Variants in PHLPP1 observed in about 807,000 individuals in gnomAD.
The protein encoded by PHLPP1 is PH domain and leucine rich repeat protein phosphatase 1.
Under a neutral mutation model 117.2 loss-of-function variants are expected in PHLPP1, and 42 were observed. That is an observed-to-expected ratio of 0.36 (90% confidence interval 0.28 to 0.46). The LOEUF is 0.46. Among genes scored for constraint, PHLPP1 ranks in the 20% least tolerant of loss-of-function variants. The probability of loss-of-function intolerance (pLI) is 1.00; values close to 1 mark genes in which losing one functional copy is unlikely to be tolerated. For missense variants in PHLPP1, 2,084 were observed against 2,241.9 expected (o/e 0.93, Z 1.42); for synonymous variants, 1,042 against 970.7 (o/e 1.07, Z -1.37).
intron 4 of PHLPP1, among the ~76,000 whole-genome samples, chr18:62,888,682 A>G (rs549999863): frequency 6.6e-6 from 1 of 152,334 alleles, no homozygotes; most frequent in Non-Finnish European, 1.5e-5. Context: ...TGGCAGACAC[A>G]GTGGACCCTG....
chr18:62,873,790 G>A (rs1274317005), intron 4 of PHLPP1, among the ~76,000 whole-genome samples: 2 of 152,070 alleles, frequency 1.3e-5, no homozygotes, highest in African/African-American at 4.8e-5. Context: ...AGTTCTTAGG[G>A]CATGTTTCTG....
intron 1 of PHLPP1, among the ~76,000 whole-genome samples, chr18:62,793,072 G>A (rs1461452070): frequency 6.6e-6 from 1 of 152,056 alleles, no homozygotes; most frequent in Non-Finnish European, 1.5e-5. Flanking sequence ...CAACTTGGGA[G>A]GCTGAGGTGG....
rs1909283535 is a variant in PHLPP1, at chr18:62,916,605, G to GT, written c.2804+1597_2804+1598insT. Reference sequence around the variant, plus strand: ...AGCCATCACCATTAACAAGAGGGTGGGTGTGTGTGTGTGTGTGTGTGTGTG... The same window carrying GT: ...AGCCATCACCATTAACAAGAGGGTGGTGTGTGTGTGTGTGTGTGTGTGTGTG... On this transcript the variant is annotated intron_variant, in intron 9 of 16. Transcript: ENST00000262719. Among the ~76,000 whole-genome samples, 920 of 145,832 alleles carry GT rather than the reference G, an allele frequency of 6.3e-3. 16 individuals carry two copies. The highest frequency in any genetic ancestry group is 0.022 in the African/African-American group (868 of 39,620).
chr18:62,979,074 C>G lies in PHLPP1; in HGVS notation c.4797C>G (p.Ala1599=). 2 of 1,613,856 alleles carry G rather than the reference C, an allele frequency of 1.2e-6. No individual in the cohort carries two copies. Among genetic ancestry groups the G allele is most frequent in the Non-Finnish European group, 1.7e-6 (2 of 1,179,826 alleles). The part of the protein sequence containing the change: ...EASDEGIVIS[A]NEDEPGLPRK... ...GTGATGAGGGCATTGTCATCAGCGCCAACGAGGATGAGCCAGGTCTGCCCA... is the reference window on the plus strand; with the variant it reads ...GTGATGAGGGCATTGTCATCAGCGCGAACGAGGATGAGCCAGGTCTGCCCA... Residue 1599 remains alanine (A), a synonymous_variant, in exon 17 of 17, where the codon GCC becomes GCG. Coordinates refer to ENST00000262719, the MANE Select transcript of PHLPP1 (RefSeq NM_194449.4).
intron 4 of PHLPP1, among the ~76,000 whole-genome samples, chr18:62,862,089 T>C (rs1180818084): frequency 6.6e-6 from 1 of 151,966 alleles, no homozygotes; most frequent in African/African-American, 2.4e-5. Flanking sequence ...TTTTTTTTTT[T>C]CTTTTTTTGA....
rs979079530 is a variant in PHLPP1 at position 62,777,231 on chromosome 18, G to C, written c.1577-52804G>C. On this transcript the variant is annotated intron_variant, in intron 1 of 16. Transcript: ENST00000262719. ...TATTTGGTGTTAATCTTTTAAATTT[G>C]AGCCATTCTAATGAGCTTGTAGTGG... Among the ~76,000 whole-genome samples the C allele has an allele frequency of 2.6e-5, 4 of 152,206 alleles. No individual in the cohort carries two copies. In the East Asian group the frequency reaches 7.7e-4, roughly 29 times the overall value.
At chr18:62,824,633 A>G (rs1914559697) in intron 1 of PHLPP1, among the ~76,000 whole-genome samples, 1 of 152,152 alleles carries the variant, frequency 6.6e-6, no homozygotes, top group Non-Finnish European at 1.5e-5. Flanking sequence ...TTATACATTA[A>G]TAAATCTGTA....
intron 14 of PHLPP1, among the ~76,000 whole-genome samples, chr18:62,967,105 T>TAATAGA (rs1480479148): frequency 6.6e-6 from 1 of 152,200 alleles, no homozygotes. Context: ...AGCATGGACA[T>TAATAGA]ATTATGGTTT....
intron 1 of PHLPP1, among the ~76,000 whole-genome samples, chr18:62,810,645 C>CGT (rs764791516): frequency 5.9e-5 from 9 of 152,290 alleles, no homozygotes; most frequent in Middle Eastern, 6.8e-3. Context: ...AAATATCTTA[C>CGT]TATACCATTC....
At chr18:62,852,034 A>T (rs936144552) in intron 3 of PHLPP1, among the ~76,000 whole-genome samples, 1 of 150,900 alleles carries the variant, frequency 6.6e-6, no homozygotes, top group South Asian at 2.1e-4. Flanking sequence ...GTGCCACCAC[A>T]CCTGGCCAAT....
chr18:62,809,001 C>A (rs1272455795), intron 1 of PHLPP1, among the ~76,000 whole-genome samples: 3 of 152,084 alleles, frequency 2.0e-5, no homozygotes, highest in African/African-American at 7.2e-5. Context: ...TGCCTACTGC[C>A]AGGTATAGAG....
chr18:62,925,235 A>G (rs1909591252), intron 10 of PHLPP1, among the ~76,000 whole-genome samples: 1 of 152,166 alleles, frequency 6.6e-6, no homozygotes, highest in African/African-American at 2.4e-5. Flanking sequence ...CTCCCTGTCC[A>G]TCTAGCATCT....
intron 4 of PHLPP1, among the ~76,000 whole-genome samples, chr18:62,862,613 A>T (rs1425017088): frequency 6.6e-6 from 1 of 152,214 alleles, no homozygotes; most frequent in Non-Finnish European, 1.5e-5. Context: ...TGCTCTTTCA[A>T]GTAAAAATGG....
intron 1 of PHLPP1, among the ~76,000 whole-genome samples, chr18:62,765,562 G>T (rs1055931499): frequency 6.6e-6 from 1 of 152,124 alleles, no homozygotes; most frequent in South Asian, 2.1e-4. Context: ...TGAATTAATG[G>T]TCTTCCACTG....
At chr18:62,777,213 T>G (rs761768858) in intron 1 of PHLPP1, among the ~76,000 whole-genome samples, 2 of 152,192 alleles carry the variant, frequency 1.3e-5, no homozygotes. Context: ...CAGTATTTGG[T>G]GTTAATCTTT....
intron 10 of PHLPP1, among the ~76,000 whole-genome samples, chr18:62,927,971 G>C (rs1252631574): frequency 1.3e-5 from 2 of 151,992 alleles, no homozygotes; most frequent in African/African-American, 4.8e-5. Context: ...ATGACCACCA[G>C]TAAAAAGATA....
chr18:62,755,278 T>C (rs1295955865), intron 1 of PHLPP1, among the ~76,000 whole-genome samples: 1 of 151,962 alleles, frequency 6.6e-6, no homozygotes, highest in African/African-American at 2.4e-5. Context: ...TCATGCTCTG[T>C]CAACCCATTG....
intron 2 of PHLPP1, among the ~76,000 whole-genome samples, chr18:62,835,141 G>A (rs1451032799): frequency 1.3e-5 from 2 of 151,422 alleles, no homozygotes; most frequent in Non-Finnish European, 2.9e-5. Flanking sequence ...TTACTGTTAC[G>A]GGCAGGAAGA....
At chr18:62,726,100 A>G (rs985103450) in intron 1 of PHLPP1, among the ~76,000 whole-genome samples, 4 of 151,824 alleles carry the variant, frequency 2.6e-5, no homozygotes, top group African/African-American at 7.3e-5. Flanking sequence ...CACACACTAT[A>G]TATATGTATG....
Sources: allele counts gnomAD v4.1 joint callset (sites outside exome capture counted in the v4.1 genomes callset), GRCh38; gene constraint gnomAD v4.1.1; transcripts MANE v1.5; gene names NCBI Gene and HGNC (gene_info 2026-07-23, HGNC 2026-07-21).